The following JARID2 variants were observed in gnomAD, a reference collection of about 807,000 sequenced individuals.
JARID2 encodes the protein protein Jumonji.
JARID2 carries 21 observed loss-of-function variants against 125.6 expected under a neutral mutation model. The observed-to-expected ratio is 0.17, with a 90% CI of 0.12 to 0.24. The LOEUF is 0.24. JARID2 is among the 10% of genes least tolerant of loss of function. The pLI, the probability that JARID2 is intolerant of heterozygous loss-of-function variation, is 1.00. For missense variants in JARID2, 1,303 were observed against 1,639.6 expected (o/e 0.79, Z 3.55); for synonymous variants, 736 against 661.6 (o/e 1.11, Z -1.73).
At chr6:15,434,284 G>A (rs2127605521) in intron 3 of JARID2, among the ~76,000 whole-genome samples, 1 of 152,160 alleles carries the variant, frequency 6.6e-6, no homozygotes, top group South Asian at 2.1e-4. Flanking sequence ...CTCAATCAGT[G>A]ACTTATCTTT....
At chr6:15,394,447 A>G (rs1371536755) in intron 2 of JARID2, among the ~76,000 whole-genome samples, 1 of 152,124 alleles carries the variant, frequency 6.6e-6, no homozygotes, top group East Asian at 1.9e-4. Flanking sequence ...AAAAATATAA[A>G]AAATTAGCTG....
intron 1 of JARID2, among the ~76,000 whole-genome samples, chr6:15,349,988 G>A (rs760993462): frequency 2.0e-5 from 3 of 152,076 alleles, no homozygotes; most frequent in Non-Finnish European, 4.4e-5. Flanking sequence ...CCGTATTATT[G>A]GTTAGATGAG....
intron 2 of JARID2, among the ~76,000 whole-genome samples, chr6:15,381,319 C>T (rs929050616): frequency 3.2e-5 from 4 of 126,380 alleles, no homozygotes; most frequent in East Asian, 2.3e-4. Context: ...CCAGCTGGGG[C>T]GACAGAGGGA....
At chr6:15,478,504 G>T (rs1434036613) in intron 5 of JARID2, among the ~76,000 whole-genome samples, 1 of 151,266 alleles carries the variant, frequency 6.6e-6, no homozygotes, top group Non-Finnish European at 1.5e-5. Context: ...GTGTCAATGG[G>T]ATGCGTTCTG....
intron 8 of JARID2, among the ~76,000 whole-genome samples, chr6:15,503,391 A>G (rs1255361267): frequency 6.6e-6 from 1 of 152,226 alleles, no homozygotes; most frequent in East Asian, 1.9e-4. Context: ...GCAGGAGAGA[A>G]AGGCACAAGC....
chr6:15,363,112 A>G (rs1763858286), intron 1 of JARID2, among the ~76,000 whole-genome samples: 1 of 152,192 alleles, frequency 6.6e-6, no homozygotes, highest in Admixed American at 6.5e-5. Flanking sequence ...CAGAAAAGGT[A>G]TTTTAGTGTG....
At chr6:15,266,981 A>G (rs1156905140) in intron 1 of JARID2, among the ~76,000 whole-genome samples, 1 of 152,196 alleles carries the variant, frequency 6.6e-6, no homozygotes, top group Non-Finnish European at 1.5e-5. Flanking sequence ...CTGAGTGGAG[A>G]TTAGGTGCTC....
At chr6:15,272,825 G>A (rs918131451) in intron 1 of JARID2, among the ~76,000 whole-genome samples, 24 of 152,208 alleles carry the variant, frequency 1.6e-4, no homozygotes, top group African/African-American at 4.6e-4. Flanking sequence ...TCAATTTTGC[G>A]TGGCACTGGC....
chr6:15,314,151 A>G (rs1762106229), intron 1 of JARID2, among the ~76,000 whole-genome samples: 1 of 152,214 alleles, frequency 6.6e-6, no homozygotes, highest in Non-Finnish European at 1.5e-5. Context: ...CAGAGGCTGT[A>G]TTCAAATTAA....
At chr6:15,392,039 G>GT (rs1765030809) in intron 2 of JARID2, among the ~76,000 whole-genome samples, 7 of 122,724 alleles carry the variant, frequency 5.7e-5, no homozygotes, top group Non-Finnish European at 1.0e-4. Context: ...ATCCCAGAGT[G>GT]GTGTGTGTGT....
intron 3 of JARID2, among the ~76,000 whole-genome samples, chr6:15,433,508 A>AT (rs1331800948): frequency 3.3e-5 from 5 of 151,336 alleles, no homozygotes; most frequent in Non-Finnish European, 7.4e-5. Context: ...AGGGCATGTC[A>AT]TCCAAGTGAA....
At chr6:15,480,284 G>A (rs1001935232) in intron 5 of JARID2, among the ~76,000 whole-genome samples, 2 of 151,972 alleles carry the variant, frequency 1.3e-5, no homozygotes, top group Non-Finnish European at 1.5e-5. Context: ...CAGATGTTTC[G>A]GCTGACTTTC....
At chr6:15,413,002 G>GT (rs745910520) in intron 3 of JARID2, among the ~76,000 whole-genome samples, 1,569 of 46,412 alleles carry the variant, frequency 0.034, 283 homozygotes, top group East Asian at 0.05. Context: ...AAGAGCTTGT[G>GT]TTTTTGTTTT....
At chr6:15,364,275 T>C (rs1489049452) in intron 1 of JARID2, among the ~76,000 whole-genome samples, 2 of 152,148 alleles carry the variant, frequency 1.3e-5, no homozygotes, top group African/African-American at 4.8e-5. Flanking sequence ...ACCAGCCCTG[T>C]CAGTAAGGGG....
intron 1 of JARID2, among the ~76,000 whole-genome samples, chr6:15,349,379 G>A (rs1052616303): frequency 6.6e-6 from 1 of 152,210 alleles, no homozygotes; most frequent in African/African-American, 2.4e-5. Flanking sequence ...TTAGTTACGT[G>A]TGTGAAGTGG....
At position 15,521,241 on chromosome 6, in the gene JARID2, G is replaced by A. The variant is rs1246978547; in HGVS notation, c.*990G>A. On this transcript the variant is annotated 3_prime_UTR_variant, in exon 18 of 18. Coordinates refer to ENST00000341776, the MANE Select transcript of JARID2 (RefSeq NM_004973.4). ...TAAAACTTGTTTCATTTATGATCAT[G>A]TAGAGAGCCACTAGGAGGCCTGCAG... The A allele has an allele frequency of 6.5e-6, 1 of 152,896 alleles. No individual in the cohort carries two copies. The highest frequency in any genetic ancestry group is 1.5e-5 in the Non-Finnish European group (1 of 68,586). The allele number at this position is 152,896 out of a possible 1,614,324, so 9.5% of individuals were successfully genotyped here. A position where few individuals can be genotyped will look rare whatever the true frequency, so the allele number is the denominator to read the frequency against.
chr6:15,365,428 A>G (rs1445739428), intron 1 of JARID2, among the ~76,000 whole-genome samples: 2 of 152,146 alleles, frequency 1.3e-5, no homozygotes, highest in Non-Finnish European at 2.9e-5. Context: ...GAGCGTGCGG[A>G]CGTCTTGCTG....
chr6:15,284,631 C>A lies in JARID2; in HGVS notation c.45+38047C>A, dbSNP rs535132396. 2.6e-5 allele frequency among the ~76,000 whole-genome samples: 4 copies of A among 151,474 alleles called. No individual in the cohort carries two copies. In the East Asian group the frequency reaches 7.7e-4, roughly 29 times the overall value. ...CCTCCCAAGTAGCTGGGATTACAGG[C>A]GCCTGCCAACACGCTTGGCTAATTT... is the stretch of plus-strand genomic sequence containing the variant. On this transcript the variant is annotated intron_variant, in intron 1 of 17. Coordinates refer to ENST00000341776, the MANE Select transcript of JARID2 (RefSeq NM_004973.4).
At position 15,476,992 on chromosome 6, in the gene JARID2, C is replaced by T. The variant is rs73724415; in HGVS notation, c.670+8274C>T. 4.5e-3 allele frequency among the ~76,000 whole-genome samples: 690 copies of T among 152,260 alleles called. 4 individuals carry two copies. The highest frequency in any genetic ancestry group is 0.016 in the African/African-American group (662 of 41,552). On this transcript the variant is annotated intron_variant, in intron 5 of 17. Coordinates refer to ENST00000341776, the MANE Select transcript of JARID2 (RefSeq NM_004973.4). Reference sequence around the variant, plus strand: ...AGGAGACCTTGGTGAAGGCTTGTTGCTAGGTCAGCTGCATGTGTATCTTTT... The same window carrying T: ...AGGAGACCTTGGTGAAGGCTTGTTGTTAGGTCAGCTGCATGTGTATCTTTT...
Sources: gnomAD v4.1 joint callset for allele counts (sites outside exome capture counted in the v4.1 genomes callset) on GRCh38, gnomAD v4.1.1 for gene constraint, MANE v1.5 for transcripts, NCBI Gene and HGNC (gene_info 2026-07-23, HGNC 2026-07-21) for gene names.